Variants in SLC2A9 observed in about 807,000 individuals in gnomAD.
SLC2A9 encodes solute carrier family 2, facilitated glucose transporter member 9.
In SLC2A9, 39 loss-of-function variants were observed where a neutral mutation model predicts 50.6. That is an observed-to-expected ratio of 0.77 (90% CI 0.60 to 1.01). SLC2A9 has a LOEUF of 1.01. Ranked by LOEUF, SLC2A9 falls within the 50% of genes least tolerant of loss-of-function variation. The pLI, the probability that SLC2A9 is intolerant of heterozygous loss-of-function variation, is 0.00. For missense variants in SLC2A9, 686 were observed against 677.6 expected (o/e 1.01, Z -0.14); for synonymous variants, 324 against 276.9 (o/e 1.17, Z -1.69).
At chr4:9,923,135 C>A (rs531073166) in intron 6 of SLC2A9, among the ~76,000 whole-genome samples, 1 of 152,174 alleles carries the variant, frequency 6.6e-6, no homozygotes, top group Admixed American at 6.5e-5. Flanking sequence ...GAGGGGGCAC[C>A]AAGGAGGGGG....
chr4:9,827,776 G>C (rs535389660), intron 11 of SLC2A9, among the ~76,000 whole-genome samples: 37 of 152,156 alleles, frequency 2.4e-4, no homozygotes, highest in African/African-American at 8.2e-4. Flanking sequence ...CCTTCTGCTC[G>C]TACAAAGACT....
chr4:9,777,792 G>A (rs564290704), downstream of SLC2A9, among the ~76,000 whole-genome samples: 4 of 152,290 alleles, frequency 2.6e-5, no homozygotes, highest in South Asian at 2.1e-4. Flanking sequence ...GGGTCATAAC[G>A]GCTGCACTAG....
downstream of SLC2A9, among the ~76,000 whole-genome samples, chr4:9,822,607 T>TA (rs1724560091): frequency 6.6e-6 from 1 of 152,228 alleles, no homozygotes; most frequent in Non-Finnish European, 1.5e-5. Context: ...ACATAGCATA[T>TA]AGATGGGCCT....
chr4:9,788,440 C>G (rs541132713), intron 3 of SLC2A9, among the ~76,000 whole-genome samples: 2 of 151,702 alleles, frequency 1.3e-5, no homozygotes, highest in East Asian at 3.9e-4. Flanking sequence ...GACCTCCTGC[C>G]TCAGCCTCCC....
At chr4:10,034,269 C>T (rs1764028139) in intron 1 of SLC2A9, 2 of 152,298 alleles carry the variant, frequency 1.3e-5, no homozygotes, top group Admixed American at 6.5e-5. Context: ...AAACCCCGTA[C>T]ATGAGCGCAC....
intron 10 of SLC2A9, among the ~76,000 whole-genome samples, chr4:9,867,004 C>T (rs964592068): frequency 4.6e-5 from 7 of 152,168 alleles, no homozygotes; most frequent in African/African-American, 1.7e-4. Flanking sequence ...CACACTGCTC[C>T]CAATATGGGG....
chr4:9,929,581 C>T (rs1174005448), intron 6 of SLC2A9, among the ~76,000 whole-genome samples: 2 of 152,216 alleles, frequency 1.3e-5, no homozygotes, highest in African/African-American at 4.8e-5. Flanking sequence ...AACATTGGCC[C>T]ATACCTGAGC....
chr4:9,958,931 A>G (rs1751771188), intron 5 of SLC2A9, among the ~76,000 whole-genome samples: 1 of 152,222 alleles, frequency 6.6e-6, no homozygotes, highest in Non-Finnish European at 1.5e-5. Context: ...CAAATAAGAA[A>G]ATAAAAACAA....
intron 5 of SLC2A9, among the ~76,000 whole-genome samples, chr4:9,945,655 C>G: frequency 6.6e-6 from 1 of 152,122 alleles, no homozygotes; most frequent in East Asian, 1.9e-4. Flanking sequence ...GAGGAGCCAT[C>G]AGACCACCAG....
intron 1 of SLC2A9, 118 bp downstream of exon 1, chr4:10,021,162 G>T: frequency 1.8e-6 from 2 of 1,103,416 alleles, no homozygotes; most frequent in African/African-American, 3.1e-5. Flanking sequence ...CTGCCTCAAA[G>T]CCCCAGATCC....
At chr4:9,998,606 G>A (rs973911972) in intron 2 of SLC2A9, among the ~76,000 whole-genome samples, 2 of 152,138 alleles carry the variant, frequency 1.3e-5, no homozygotes, top group Non-Finnish European at 2.9e-5. Flanking sequence ...TAGTCAAATG[G>A]AAGATGCCTG....
Position 9,967,726 on chromosome 4 carries a change from T to A in SLC2A9, c.681+12866A>T, listed in dbSNP as rs568720261. 7.2e-5 allele frequency among the ~76,000 whole-genome samples: 11 copies of A among 151,962 alleles called. No individual in the cohort carries two copies. In the South Asian group the frequency reaches 1.9e-3, roughly 26 times the overall value. The stretch of plus-strand genomic sequence containing the variant: ...AAGATATATTTCTGGTAAGAAAGAT[T>A]TAAGAAAAGAAAATAACTTTACATT... On this transcript the variant is annotated intron_variant, in intron 5 of 11. Transcript: ENST00000264784.
intron 10 of SLC2A9, among the ~76,000 whole-genome samples, chr4:9,884,570 G>C (rs1343600940): frequency 6.6e-6 from 1 of 152,144 alleles, no homozygotes; most frequent in Non-Finnish European, 1.5e-5. Flanking sequence ...AAGTGTGGGA[G>C]AATGTATGTG....
At chr4:9,873,085 C>T (rs1412957225) in intron 10 of SLC2A9, among the ~76,000 whole-genome samples, 1 of 152,164 alleles carries the variant, frequency 6.6e-6, no homozygotes, top group Admixed American at 6.5e-5. Flanking sequence ...AATTTGTGTC[C>T]TTATTGAACA....
chr4:9,861,703 G>GTGAATGAA (rs56975965), intron 10 of SLC2A9, among the ~76,000 whole-genome samples: 24 of 150,750 alleles, frequency 1.6e-4, no homozygotes, highest in South Asian at 4.2e-4. Flanking sequence ...ATATGGATAA[G>GTGAATGAA]TGAATGAATG....
intron 10 of SLC2A9, among the ~76,000 whole-genome samples, chr4:9,835,735 A>G (rs975863498): frequency 1.3e-5 from 2 of 152,288 alleles, no homozygotes; most frequent in East Asian, 1.9e-4. Context: ...AAAACCAAAC[A>G]TCGTATGTTG....
At chr4:9,968,746 T>C (rs539337093) in intron 5 of SLC2A9, among the ~76,000 whole-genome samples, 3 of 152,320 alleles carry the variant, frequency 2.0e-5, no homozygotes, top group Admixed American at 6.5e-5. Context: ...ACCAATCACA[T>C]AGAAGGAGGT....
chr4:9,884,139 C>A (rs2109687066), intron 10 of SLC2A9, among the ~76,000 whole-genome samples: 1 of 152,244 alleles, frequency 6.6e-6, no homozygotes, highest in East Asian at 1.9e-4. Flanking sequence ...TGTGAAGCTT[C>A]TGTCATTCAG....
At chr4:9,879,035 G>A (rs1265664148) in intron 10 of SLC2A9, 2 of 985,030 alleles carry the variant, frequency 2.0e-6, no homozygotes, top group Non-Finnish European at 2.4e-6. Context: ...AAAAATACAA[G>A]CATTTATTGA....
Sources: allele counts gnomAD v4.1 joint callset (sites outside exome capture counted in the v4.1 genomes callset), GRCh38; gene constraint gnomAD v4.1.1; transcripts MANE v1.5; gene names NCBI Gene and HGNC (gene_info 2026-07-23, HGNC 2026-07-21).